METTL6: variants seen among roughly 807,000 people sequenced by gnomAD.
The protein encoded by METTL6 is methyltransferase 6, tRNA N3-cytidine.
METTL6 carries 22 observed loss-of-function variants against 26.4 expected under a neutral mutation model. The observed-to-expected ratio is 0.83, with a 90% CI of 0.59 to 1.19. The LOEUF is 1.19. METTL6 is among the 50% of genes most tolerant of loss of function. The pLI, the probability that METTL6 is intolerant of heterozygous loss-of-function variation, is 0.00. For missense variants in METTL6, 304 were observed against 324.8 expected, an observed-to-expected ratio of 0.94 and a Z score of 0.49; for synonymous variants, 109 against 116.2, an observed-to-expected ratio of 0.94 and a Z score of 0.40.
intron 6 of METTL6, among the ~76,000 whole-genome samples, chr3:15,394,412 C>T (rs796374768): frequency 2.6e-5 from 4 of 151,630 alleles, no homozygotes; most frequent in Non-Finnish European, 5.9e-5. Flanking sequence ...GTCTTGCTAG[C>T]GGTCTATCAA....
In METTL6 at chr3:15,397,819, G is replaced by C. The variant is rs558364178; in HGVS notation, c.*11+13426C>G. On this transcript the variant is annotated intron_variant, in intron 6 of 6. Coordinates refer to the METTL6 transcript ENST00000443029. The stretch of plus-strand genomic sequence containing the variant: ...CCAGCCATAATTCTGGAGGTCATAA[G>C]ATATGCAACTTCCCCAATTATTCCT... Among the ~76,000 whole-genome samples the C allele has an allele frequency of 1.5e-4, 23 of 152,246 alleles. No individual in the cohort carries two copies. The South Asian group carries it at 4.6e-3, about 30-fold the overall frequency.
intron 3 of METTL6, among the ~76,000 whole-genome samples, chr3:15,421,849 T>C (rs556693757): frequency 2.0e-5 from 3 of 151,868 alleles, no homozygotes; most frequent in East Asian, 3.9e-4. Flanking sequence ...GAGGTGGAGG[T>C]TGCAGTGAGC....
chr3:15,407,669 T>C (rs752856525), downstream of METTL6, among the ~76,000 whole-genome samples: 14 of 152,238 alleles, frequency 9.2e-5, no homozygotes, highest in African/African-American at 2.9e-4. Context: ...AACAGCCCGT[T>C]AGTCTTCTAG....
intron 6 of METTL6, among the ~76,000 whole-genome samples, chr3:15,397,541 T>A (rs1383578349): frequency 6.6e-6 from 1 of 152,038 alleles, no homozygotes. Context: ...GGTACCTCAG[T>A]TGGAAATGCA....
In METTL6 at chr3:15,411,020, G is replaced by C; in HGVS notation, c.*236C>G. 2.5e-6 allele frequency: 1 copy of C among 405,642 alleles called. No homozygotes were observed. The highest frequency in any genetic ancestry group is 4.4e-6 in the Non-Finnish European group (1 of 227,718). The allele number at this position is 405,642 out of a possible 1,614,324, so 25.1% of individuals were successfully genotyped here. A position where few individuals can be genotyped will look rare whatever the true frequency, so the allele number is the denominator to read the frequency against. On this transcript the variant is annotated 3_prime_UTR_variant, in exon 6 of 6. Coordinates refer to ENST00000383790, the MANE Select transcript of METTL6 (RefSeq NM_152396.4). Reference sequence around the variant, plus strand: ...CGATTCTCTTGCCTCAGCCTCCTGAGTAGCTGGGATTACAGGCACTCGCCA... The same window carrying C: ...CGATTCTCTTGCCTCAGCCTCCTGACTAGCTGGGATTACAGGCACTCGCCA...
chr3:15,404,594 G>A (rs1033335322), intron 6 of METTL6, among the ~76,000 whole-genome samples: 19 of 149,754 alleles, frequency 1.3e-4, no homozygotes, highest in Admixed American at 3.4e-4. Context: ...CAGGTGATCC[G>A]CCTGCCTCGG....
chr3:15,419,185 TA>T (rs35020972), intron 3 of METTL6, among the ~76,000 whole-genome samples: 14 of 148,642 alleles, frequency 9.4e-5, no homozygotes, highest in South Asian at 2.1e-4. Flanking sequence ...AATCCTTGTG[TA>T]AAAAAAAAAG....
At chr3:15,413,249 G>A (rs554750428) in intron 5 of METTL6, among the ~76,000 whole-genome samples, 55 of 150,028 alleles carry the variant, frequency 3.7e-4, no homozygotes, top group African/African-American at 1.0e-3. Context: ...ATAAATAAAT[G>A]CCTCTTTACA....
At chr3:15,397,343 G>A (rs890169594) in intron 6 of METTL6, among the ~76,000 whole-genome samples, 3 of 152,224 alleles carry the variant, frequency 2.0e-5, no homozygotes, top group Non-Finnish European at 2.9e-5. Context: ...AAGCGCAGTA[G>A]TAGGGTGGGA....
At chr3:15,413,750 T>G in intron 5 of METTL6, 1 of 1,388,066 alleles carries the variant, frequency 7.2e-7, no homozygotes, top group Non-Finnish European at 9.5e-7. Context: ...CAATTCCTAG[T>G]AGGGAATCCA....
At chr3:15,421,940 T>C (rs2061620195) in intron 3 of METTL6, among the ~76,000 whole-genome samples, 1 of 152,230 alleles carries the variant, frequency 6.6e-6, no homozygotes, top group Admixed American at 6.5e-5. Flanking sequence ...AAAATAATTT[T>C]TTTTTGTAGA....
chr3:15,389,079 C>A (rs1161883061), intron 6 of METTL6, among the ~76,000 whole-genome samples: 6 of 151,722 alleles, frequency 4.0e-5, no homozygotes, highest in Non-Finnish European at 8.8e-5. Context: ...TTGTCTCAAA[C>A]TCTTGGGCTC....
At chr3:15,418,297 G>A (rs2061535208) in intron 3 of METTL6, among the ~76,000 whole-genome samples, 1 of 152,112 alleles carries the variant, frequency 6.6e-6, no homozygotes, top group Admixed American at 6.6e-5. Flanking sequence ...GACTCTAATG[G>A]AAAAGACAGA....
At chr3:15,394,002 C>T (rs1699418862) in intron 6 of METTL6, among the ~76,000 whole-genome samples, 1 of 152,172 alleles carries the variant, frequency 6.6e-6, no homozygotes, top group South Asian at 2.1e-4. Flanking sequence ...CAGGATGATG[C>T]TGGCCTCATA....
At chr3:15,400,091 C>T (rs1393104763) in intron 6 of METTL6, among the ~76,000 whole-genome samples, 1 of 152,052 alleles carries the variant, frequency 6.6e-6, no homozygotes, top group Non-Finnish European at 1.5e-5. Flanking sequence ...TCGACACGTC[C>T]CAGATAGAGA....
At chr3:15,407,179 C>T (rs1699826410), downstream of METTL6, among the ~76,000 whole-genome samples, 1 of 151,966 alleles carries the variant, frequency 6.6e-6, no homozygotes, top group Non-Finnish European at 1.5e-5. Flanking sequence ...ACCACCACGC[C>T]CAGCTAATTT....
intron 6 of METTL6, among the ~76,000 whole-genome samples, chr3:15,391,710 C>T (rs949789821): frequency 5.9e-5 from 8 of 136,400 alleles, no homozygotes; most frequent in Non-Finnish European, 1.1e-4. Context: ...CATGTGTTCT[C>T]ACTGTTCAAT....
At chr3:15,411,937 G>A (rs536243497) in intron 5 of METTL6, among the ~76,000 whole-genome samples, 6 of 151,930 alleles carry the variant, frequency 3.9e-5, no homozygotes, top group African/African-American at 1.4e-4. Context: ...TAATTTTTTT[G>A]TATTTTTAGT....
chr3:15,402,234 T>C (rs1314608606), intron 6 of METTL6, among the ~76,000 whole-genome samples: 1 of 152,180 alleles, frequency 6.6e-6, no homozygotes, highest in Non-Finnish European at 1.5e-5. Flanking sequence ...GACCAGAGTT[T>C]TATTACTCAA....
Sources: gnomAD v4.1 joint callset for allele counts (sites outside exome capture counted in the v4.1 genomes callset) on GRCh38, gnomAD v4.1.1 for gene constraint, MANE v1.5 for transcripts, NCBI Gene and HGNC (gene_info 2026-07-23, HGNC 2026-07-21) for gene names.